Variants in CDH12 observed in about 807,000 individuals in gnomAD.
CDH12 encodes cadherin 12, also known as cadherin-12.
A neutral mutation model predicts 74.1 loss-of-function variants in CDH12; 41 were observed. The ratio of observed to expected loss-of-function variants is 0.55; its 90% CI spans 0.43 to 0.72. The LOEUF is 0.72. Among genes scored for constraint, CDH12 ranks in the 30% least tolerant of loss-of-function variants. The probability of loss-of-function intolerance (pLI) is 0.00; values close to 1 mark genes in which losing one functional copy is unlikely to be tolerated. For synonymous variants in CDH12, 399 were observed against 355.0 expected (o/e 1.12, Z -1.39); for missense variants, 945 against 977.2 (o/e 0.97, Z 0.44).
chr5:22,208,813 T>C (rs1268723674), intron 4 of CDH12, among the ~76,000 whole-genome samples: 1 of 152,218 alleles, frequency 6.6e-6, no homozygotes, highest in African/African-American at 2.4e-5. Context: ...TTACAAGCTC[T>C]TCTACAATAT....
intron 1 of CDH12, among the ~76,000 whole-genome samples, chr5:22,550,187 G>A (rs1738506282): frequency 6.6e-6 from 1 of 152,078 alleles, no homozygotes; most frequent in Non-Finnish European, 1.5e-5. Context: ...GATCAATACT[G>A]TAGTGAAATA....
chr5:22,706,453 A>G (rs1743014639), intron 1 of CDH12, among the ~76,000 whole-genome samples: 1 of 152,060 alleles, frequency 6.6e-6, no homozygotes, highest in South Asian at 2.1e-4. Context: ...TTTTACCTTG[A>G]TAAATAATAT....
chr5:22,479,485 A>G (rs1746300017), intron 2 of CDH12, among the ~76,000 whole-genome samples: 1 of 152,208 alleles, frequency 6.6e-6, no homozygotes, highest in Non-Finnish European at 1.5e-5. Flanking sequence ...CAGAGATTTC[A>G]TGGCAGGGAT....
rs1737974815 is a variant in CDH12, at chr5:22,021,528, C to G, written c.232-46143G>C. Among the ~76,000 whole-genome samples the G allele has an allele frequency of 2.0e-5, 3 of 152,160 alleles. 1 individual carries two copies. In the South Asian group the frequency reaches 6.2e-4, roughly 31 times the overall value. On this transcript the variant is annotated intron_variant, in intron 5 of 14. Coordinates refer to ENST00000382254, the MANE Select transcript of CDH12 (RefSeq NM_004061.5). ...GGTCCCTGACTTAAGGTGGTTTGAA[C>G]TATGATTTTTCAACTTTACAATTAT...
intron 1 of CDH12, among the ~76,000 whole-genome samples, chr5:22,834,390 C>A (rs556796150): frequency 9.2e-5 from 14 of 152,266 alleles, no homozygotes; most frequent in African/African-American, 2.9e-4. Context: ...TTGACCTCAA[C>A]ACCAACAGAA....
At chr5:22,117,471 ATATATATT>A (rs1745201786) in intron 4 of CDH12, among the ~76,000 whole-genome samples, 1 of 65,648 alleles carries the variant, frequency 1.5e-5, no homozygotes, top group Admixed American at 2.2e-4. Context: ...TATATATAAT[ATATATATT>A]ATATATATAT....
At position 22,416,228 on chromosome 5, in the gene CDH12, C is replaced by T. The variant is rs1316777351; in HGVS notation, c.-427-10877G>A. Among the ~76,000 whole-genome samples, 6 of 151,026 alleles carry T rather than the reference C, an allele frequency of 4.0e-5. No individual in the cohort carries two copies. The East Asian group carries it at 5.9e-4, about 15-fold the overall frequency. On this transcript the variant is annotated intron_variant, in intron 2 of 14. Coordinates refer to ENST00000382254, the MANE Select transcript of CDH12 (RefSeq NM_004061.5). ...TAGCTGGGACTACAGGCGCCCGCCA[C>T]CACGCCCGGCTAATTTTTTTGTATT...
intron 3 of CDH12, among the ~76,000 whole-genome samples, chr5:22,304,478 C>G (rs1431952068): frequency 1.3e-5 from 2 of 152,144 alleles, no homozygotes; most frequent in Non-Finnish European, 2.9e-5. Context: ...CAAATCCAAT[C>G]TATTAACTAA....
intron 6 of CDH12, among the ~76,000 whole-genome samples, chr5:21,855,414 T>C (rs1750701863): frequency 6.6e-6 from 1 of 151,780 alleles, no homozygotes; most frequent in African/African-American, 2.4e-5. Flanking sequence ...TAATTTTTTT[T>C]TGGCATGGGT....
At chr5:21,815,223 C>T (rs1252946275) in intron 9 of CDH12, among the ~76,000 whole-genome samples, 1 of 152,182 alleles carries the variant, frequency 6.6e-6, no homozygotes, top group East Asian at 1.9e-4. Flanking sequence ...GAACTAAATG[C>T]AAAGTATTTA....
At chr5:22,054,626 C>T (rs1740610973) in intron 5 of CDH12, among the ~76,000 whole-genome samples, 1 of 151,958 alleles carries the variant, frequency 6.6e-6, no homozygotes, top group African/African-American at 2.4e-5. Context: ...TTAGATTTTA[C>T]CTTTCTTTTA....
intron 1 of CDH12, among the ~76,000 whole-genome samples, chr5:22,706,348 CAT>C: frequency 6.6e-6 from 1 of 151,900 alleles, no homozygotes; most frequent in Non-Finnish European, 1.5e-5. Context: ...TATTTATAAA[CAT>C]ATCTATATAA....
chr5:21,834,221 A>G (rs1457531038), intron 8 of CDH12, among the ~76,000 whole-genome samples: 1 of 151,520 alleles, frequency 6.6e-6, no homozygotes, highest in Non-Finnish European at 1.5e-5. Context: ...GTGAGAGGAT[A>G]CGCATGCACA....
At chr5:22,436,530 A>C (rs944130370) in intron 2 of CDH12, among the ~76,000 whole-genome samples, 1 of 151,822 alleles carries the variant, frequency 6.6e-6, no homozygotes, top group Non-Finnish European at 1.5e-5. Context: ...TTTGAGTAAT[A>C]ATAAAACTCC....
At chr5:22,364,267 A>G (rs1331698512) in intron 3 of CDH12, among the ~76,000 whole-genome samples, 1 of 151,814 alleles carries the variant, frequency 6.6e-6, no homozygotes, top group East Asian at 1.9e-4. Context: ...GAAGAAGGGA[A>G]GTCCATGTGC....
chr5:22,457,993 T>G (rs1412669556), intron 2 of CDH12, among the ~76,000 whole-genome samples: 1 of 152,052 alleles, frequency 6.6e-6, no homozygotes, highest in African/African-American at 2.4e-5. Context: ...TCCACCCGCC[T>G]CGGCCTCCCA....
intron 5 of CDH12, among the ~76,000 whole-genome samples, chr5:21,982,589 GAT>G (rs1757354172): frequency 6.6e-6 from 1 of 150,486 alleles, no homozygotes; most frequent in African/African-American, 2.5e-5. Context: ...TATATAGAGA[GAT>G]CTCTCTAAAT....
chr5:22,397,581 C>T (rs1742511804), intron 3 of CDH12, among the ~76,000 whole-genome samples: 2 of 151,814 alleles, frequency 1.3e-5, no homozygotes, highest in South Asian at 2.1e-4. Context: ...ATTTTGTAAC[C>T]TTATAATGCA....
chr5:21,891,930 C>A (rs1284113379), intron 6 of CDH12, among the ~76,000 whole-genome samples: 1 of 151,990 alleles, frequency 6.6e-6, no homozygotes, highest in Non-Finnish European at 1.5e-5. Context: ...AGGAAAGGCT[C>A]CAAATCTATG....
Sources: gnomAD v4.1 joint callset for allele counts (sites outside exome capture counted in the v4.1 genomes callset) on GRCh38, gnomAD v4.1.1 for gene constraint, MANE v1.5 for transcripts, NCBI Gene and HGNC (gene_info 2026-07-23, HGNC 2026-07-21) for gene names.